The following MPPED1 variants were observed in gnomAD, a reference collection of about 807,000 sequenced individuals.
The protein encoded by MPPED1 is metallophosphoesterase domain-containing protein 1.
MPPED1 carries 16 observed loss-of-function variants against 36.2 expected under a neutral mutation model. The ratio of observed to expected loss-of-function variants is 0.44; its 90% CI spans 0.30 to 0.67. MPPED1 has a LOEUF of 0.67. MPPED1 is among the 30% of genes least tolerant of loss of function. MPPED1 has a pLI of 0.10. For missense variants in MPPED1, 307 were observed against 453.4 expected, an observed-to-expected ratio of 0.68 and a Z score of 2.93; for synonymous variants, 199 against 191.3, an observed-to-expected ratio of 1.04 and a Z score of -0.33.
intron 4 of MPPED1, among the ~76,000 whole-genome samples, chr22:43,496,416 A>T (rs1269660651): frequency 2.1e-4 from 3 of 14,464 alleles, no homozygotes; most frequent in South Asian, 2.1e-3. Flanking sequence ...GTGGTGATGG[A>T]GGTGGTGGTG....
chr22:43,498,311 G>T lies in MPPED1; in HGVS notation c.709G>T (p.Glu237Ter). ...GCTGGAGAAATGGAACCTCATTCCC[G>T]AAGGCGTAGACATCCTGATAACCCA... ...ALLEKWNLIPEGVDILITHGP... is the reference protein window; with the variant it reads ...ALLEKWNLIP The change falls in exon 5 of 7, where the codon GAA becomes TAA. Residue 237 changes from glutamate (E) to a stop codon, truncating the protein, a stop_gained. Coordinates refer to ENST00000443721, the MANE Select transcript of MPPED1 (RefSeq NM_001044370.2). LOFTEE classifies it high-confidence loss of function. 1 of 1,535,362 alleles carries T rather than the reference G, an allele frequency of 6.5e-7. No homozygotes were observed. Among genetic ancestry groups the T allele is most frequent in the Non-Finnish European group, 8.7e-7 (1 of 1,146,530 alleles).
intron 2 of MPPED1, among the ~76,000 whole-genome samples, chr22:43,425,460 A>C (rs889860287): frequency 4.6e-5 from 7 of 152,242 alleles, no homozygotes; most frequent in Admixed American, 4.6e-4. Flanking sequence ...TGTTTTACAA[A>C]TATTTAAAGA....
At chr22:43,443,709 C>T (rs116859435) in intron 3 of MPPED1, among the ~76,000 whole-genome samples, 3,221 of 151,756 alleles carry the variant, frequency 0.021, 39 homozygotes, top group Non-Finnish European at 0.027. Context: ...AAAGAGCTAA[C>T]AAGAATTCTC....
At chr22:43,437,384 T>G (rs1327360080) in intron 3 of MPPED1, among the ~76,000 whole-genome samples, 16 of 152,102 alleles carry the variant, frequency 1.1e-4, no homozygotes, top group Admixed American at 1.0e-3. Context: ...AGGCAGGAAC[T>G]ATTATCATTC....
At chr22:43,454,955 CA>C (rs1389887733) in intron 3 of MPPED1, among the ~76,000 whole-genome samples, 2 of 152,096 alleles carry the variant, frequency 1.3e-5, no homozygotes, top group Non-Finnish European at 2.9e-5. Context: ...CTGGGAGGCT[CA>C]AACAGCAGAA....
chr22:43,431,924 G>A (rs1929701135), intron 2 of MPPED1, among the ~76,000 whole-genome samples: 1 of 152,212 alleles, frequency 6.6e-6, no homozygotes, highest in Non-Finnish European at 1.5e-5. Context: ...GGGGTGCAGG[G>A]AAATATGAGT....
At chr22:43,472,902 A>G (rs1333558617) in intron 3 of MPPED1, among the ~76,000 whole-genome samples, 1 of 152,192 alleles carries the variant, frequency 6.6e-6, no homozygotes, top group African/African-American at 2.4e-5. Flanking sequence ...GGCTGTAGTT[A>G]TAGGACATGT....
chr22:43,456,565 G>A (rs1569075987), intron 3 of MPPED1, among the ~76,000 whole-genome samples: 1 of 152,164 alleles, frequency 6.6e-6, no homozygotes, highest in Non-Finnish European at 1.5e-5. Context: ...TGCAATTTTG[G>A]CTAACTGCAA....
In MPPED1 at chr22:43,502,213, G is replaced by T. The variant is rs572220554; in HGVS notation, c.749-431G>T. On this transcript the variant is annotated intron_variant, in intron 5 of 6. Transcript: ENST00000443721. This position sits in a 1 kb window ranked among gnomAD's most constrained non-coding sequence, Gnocchi z 5.5. The stretch of plus-strand genomic sequence containing the variant: ...TCACTCCTGGGCTGTGTATCAGGAC[G>T]CCCTGCTCTGCAACTAACCACCAGG... 2.0e-5 allele frequency among the ~76,000 whole-genome samples: 3 copies of T among 152,130 alleles called. No individual in the cohort carries two copies. The highest frequency in any genetic ancestry group is 3.9e-4 in the East Asian group (2 of 5,132).
chr22:43,432,421 A>AGAGAGAAACGGAG (rs1929734894), intron 2 of MPPED1, among the ~76,000 whole-genome samples: 1 of 127,778 alleles, frequency 7.8e-6, no homozygotes, highest in African/African-American at 3.2e-5. Context: ...TAAAGGGAGG[A>AGAGAGAAACGGAG]GAGAGAAAGG....
intron 3 of MPPED1, among the ~76,000 whole-genome samples, chr22:43,436,848 C>T (rs1006026989): frequency 6.6e-6 from 1 of 152,254 alleles, no homozygotes; most frequent in African/African-American, 2.4e-5. Context: ...CTTGAGGTGG[C>T]TACCATTTGC....
chr22:43,433,424 A>G (rs1451093905), intron 2 of MPPED1, among the ~76,000 whole-genome samples: 2 of 132,092 alleles, frequency 1.5e-5, no homozygotes, highest in East Asian at 4.6e-4. Flanking sequence ...TTCAGGATGT[A>G]TTGTATTCAG....
At chr22:43,443,719 C>T (rs1164838231) in intron 3 of MPPED1, among the ~76,000 whole-genome samples, 1 of 151,940 alleles carries the variant, frequency 6.6e-6, no homozygotes, top group African/African-American at 2.4e-5. Context: ...CAAGAATTCT[C>T]TCTGAAAGTG....
chr22:43,455,756 T>G (rs1454806477), intron 3 of MPPED1, among the ~76,000 whole-genome samples: 1 of 152,236 alleles, frequency 6.6e-6, no homozygotes, highest in Non-Finnish European at 1.5e-5. Context: ...TTACTGTTGA[T>G]TCTTTGAAGA....
chr22:43,495,478 G>GGTA (rs1164570988), intron 4 of MPPED1, among the ~76,000 whole-genome samples: 3 of 42,780 alleles, frequency 7.0e-5, no homozygotes, highest in East Asian at 7.4e-4. Flanking sequence ...TGATGGTGGA[G>GGTA]GTGGTGGTGG....
rs540041967 is a variant in MPPED1, at chr22:43,494,694, A to AGTGGTGGTG, written c.633-3519_633-3511dup. ...TTTTGGGGGACACAATTTGATTCAC[A>AGTGGTGGTG]GTGGTGGTGGTGGTGGTGGTGGTGG... is the stretch of plus-strand genomic sequence containing the variant. On this transcript the variant is annotated intron_variant, in intron 4 of 6. Transcript: ENST00000443721. 1.2e-3 allele frequency among the ~76,000 whole-genome samples: 170 copies of AGTGGTGGTG among 136,908 alleles called. 5 individuals carry two copies. Among genetic ancestry groups the AGTGGTGGTG allele is most frequent in the East Asian group, 4.1e-3 (19 of 4,604 alleles). 89.8% of individuals were successfully genotyped at this position (136,908 alleles called of 152,430 possible). A position where few individuals can be genotyped will look rare whatever the true frequency, so the allele number is the denominator to read the frequency against.
intron 3 of MPPED1, among the ~76,000 whole-genome samples, chr22:43,451,277 T>G (rs1651035931): frequency 6.6e-6 from 1 of 152,198 alleles, no homozygotes; most frequent in South Asian, 2.1e-4. Flanking sequence ...AATGCTGCAA[T>G]TACCGGTGTG....
At chr22:43,499,837 AGGT>A (rs1340148432) in intron 5 of MPPED1, among the ~76,000 whole-genome samples, 1 of 10,006 alleles carries the variant, frequency 1.0e-4, no homozygotes. Flanking sequence ...ATGGTGATGG[AGGT>A]GGTGGTGGTG....
At chr22:43,415,483 C>A (rs192686437) in intron 1 of MPPED1, among the ~76,000 whole-genome samples, 1 of 147,484 alleles carries the variant, frequency 6.8e-6, no homozygotes, top group African/African-American at 2.4e-5. Context: ...CCAATGAGGG[C>A]AGCCCAATTT....
Sources: gnomAD v4.1 joint callset for allele counts (sites outside exome capture counted in the v4.1 genomes callset) on GRCh38, gnomAD v4.1.1 for gene constraint, Gnocchi (gnomAD v3.1) non-coding constraint, MANE v1.5 for transcripts, NCBI Gene and HGNC (gene_info 2026-07-23, HGNC 2026-07-21) for gene names.